The following MOCS2 variants were observed in gnomAD, a reference collection of about 807,000 sequenced individuals.
The protein encoded by MOCS2 is molybdenum cofactor synthesis 2.
Under a neutral mutation model 21.9 loss-of-function variants are expected in MOCS2, and 13 were observed. That is an observed-to-expected ratio of 0.59 (90% CI 0.39 to 0.94). MOCS2 has a LOEUF of 0.94. MOCS2 is among the 40% of genes least tolerant of loss of function. The pLI is 0.00. For synonymous variants in MOCS2, 92 were observed against 80.8 expected (o/e 1.14, Z -0.74); for missense variants, 227 against 218.3 (o/e 1.04, Z -0.25).
At chr5:53,107,495 G>T (rs1579936638) in intron 2 of MOCS2, 1 of 420,820 alleles carries the variant, frequency 2.4e-6, no homozygotes, top group East Asian at 4.9e-5. Flanking sequence ...AAACCCACCA[G>T]ACTGGAGGCA....
rs1469456736 is a variant in MOCS2, at chr5:53,106,975, A to G, written c.98+102T>C. 20 of 1,325,060 alleles carry G rather than the reference A, an allele frequency of 1.5e-5. No homozygotes were observed. In the Admixed American group the frequency reaches 3.6e-4, roughly 24 times the overall value. The allele number at this position is 1,325,060 out of a possible 1,614,324, so 82.1% of individuals were successfully genotyped here. On this transcript the variant is annotated intron_variant, in intron 3 of 6. Transcript: ENST00000396954. ...CTGCATCAATAAAGATTTGGTACAG[A>G]CAGACTTACAAAGAATATACATTAA...
Position 53,098,634 on chromosome 5 carries a change from T to G in MOCS2, c.535A>C (p.Asn179His), listed in dbSNP as rs767404420. 6.2e-7 allele frequency: 1 copy of G among 1,613,908 alleles called. No individual in the cohort carries two copies. ...IYEESSTWKGNKECFWASNS is the reference protein window; with the variant it reads ...IYEESSTWKGHKECFWASNS Reference sequence around the variant, plus strand: ...TTGGATGCCCAAAAGCACTCTTTGTTTCCTTTCCAAGTTGATGACTCTTCG... The same window carrying G: ...TTGGATGCCCAAAAGCACTCTTTGTGTCCTTTCCAAGTTGATGACTCTTCG... Residue 179 changes from asparagine (N) to histidine (H), a missense_variant, in exon 7 of 7, where the codon AAC becomes CAC. Asn to His is a moderately conservative substitution (Grantham distance 68, BLOSUM62 1). Transcript: ENST00000396954.
chr5:53,100,606 G>A, intron 5 of MOCS2, 72 bp from the exon 6 acceptor site: 1 of 1,530,854 alleles, frequency 6.5e-7, no homozygotes, highest in Non-Finnish European at 8.9e-7. Context: ...CTGCTAGACA[G>A]ATGAAAAAAA....
At chr5:53,101,960 AAGTCTACCC>A in intron 4 of MOCS2, 128 bp downstream of exon 4, 1 of 848,198 alleles carries the variant, frequency 1.2e-6, no homozygotes, top group Non-Finnish European at 1.9e-6. Context: ...AACTAAAAAA[AAGTCTACCC>A]ACCATCATCG....
intron 2 of MOCS2, chr5:53,107,454 T>TG: frequency 2.0e-6 from 1 of 503,452 alleles, no homozygotes; most frequent in Non-Finnish European, 3.5e-6. Flanking sequence ...TTGTATGCCT[T>TG]GGGGAATTAA....
intron 3 of MOCS2, among the ~76,000 whole-genome samples, chr5:53,105,603 A>C (rs1450079252): frequency 6.6e-6 from 1 of 152,212 alleles, no homozygotes; most frequent in East Asian, 1.9e-4. Flanking sequence ...TAAATGTAAA[A>C]CCAAAAACTA....
Position 53,098,446 on chromosome 5 carries a change from C to A in MOCS2, c.*156G>T, listed in dbSNP as rs543248703. The A allele has an allele frequency of 5.9e-6, 4 of 682,538 alleles. No individual in the cohort carries two copies. The highest frequency in any genetic ancestry group is 1.1e-5 in the Non-Finnish European group (4 of 375,896). 42.3% of individuals were successfully genotyped at this position (682,538 alleles called of 1,614,324 possible). On this transcript the variant is annotated 3_prime_UTR_variant, in exon 7 of 7. Transcript: ENST00000396954. ...TTTAAATAACCCTTCATCCTACATA[C>A]CCATTTATCTTGCTTCCTTTTTCTC...
chr5:53,108,399 A>G (rs1389398984), intron 2 of MOCS2, 123 bp downstream of exon 2: 16 of 956,072 alleles, frequency 1.7e-5, no homozygotes, highest in Non-Finnish European at 2.2e-5. Context: ...CAAAAAAAAT[A>G]CAACTAACGA....
chr5:53,101,543 T>C, intron 4 of MOCS2, 34 bp from the exon 5 acceptor site: 1 of 1,484,812 alleles, frequency 6.7e-7, no homozygotes, highest in Non-Finnish European at 9.3e-7. Context: ...AAGAAAACAA[T>C]TAAAATAAGG....
rs1561171918 is a variant in MOCS2 at position 53,098,325 on chromosome 5, A to G, written c.*277T>C. On this transcript the variant is annotated 3_prime_UTR_variant, in exon 7 of 7. Transcript: ENST00000396954. ...AATGTGTGTTGAGTTACAATTAGAA[A>G]TTAGTCATGGAAGGACATGTCTACC... 3 of 453,730 alleles carry G rather than the reference A, an allele frequency of 6.6e-6. No homozygotes were observed. In the East Asian group the frequency reaches 1.2e-4, roughly 18 times the overall value. The allele number at this position is 453,730 out of a possible 1,614,324, so 28.1% of individuals were successfully genotyped here.
At chr5:53,103,300 A>G (rs1447918539) in intron 3 of MOCS2, among the ~76,000 whole-genome samples, 1 of 152,192 alleles carries the variant, frequency 6.6e-6, no homozygotes, top group Non-Finnish European at 1.5e-5. Flanking sequence ...ACTGCTATTC[A>G]TATCTCCCAT....
intron 6 of MOCS2, among the ~76,000 whole-genome samples, chr5:53,098,911 A>T (rs951993347): frequency 6.6e-6 from 1 of 152,144 alleles, no homozygotes; most frequent in African/African-American, 2.4e-5. Flanking sequence ...ATGCTTTTCC[A>T]AAGGCAGATA....
At chr5:53,106,932 G>C in intron 3 of MOCS2, 145 bp downstream of exon 3, 13 of 799,666 alleles carry the variant, frequency 1.6e-5, no homozygotes, top group Non-Finnish European at 2.2e-5. Context: ...TAAATCTGTT[G>C]GCACCAATGA....
rs2112074751 is a variant in MOCS2 at position 53,095,915 on chromosome 5, A to C, written c.*2687T>G. On this transcript the variant is annotated 3_prime_UTR_variant, in exon 7 of 7. Coordinates refer to ENST00000396954, the MANE Select transcript of MOCS2 (RefSeq NM_004531.5). ...TTCCTGATCCTATCATAATCTTTTA[A>C]TATTTTTAAGGTGTCAATTAAAGAT... 3 of 152,300 alleles carry C rather than the reference A, an allele frequency of 2.0e-5. No homozygotes were observed. The South Asian group carries it at 6.2e-4, about 32-fold the overall frequency. The allele number at this position is 152,300 out of a possible 1,614,324, so 9.4% of individuals were successfully genotyped here.
rs1413462870 is a variant in MOCS2, at chr5:53,096,150, C to T, written c.*2452G>A. 6.6e-6 allele frequency: 1 copy of T among 152,044 alleles called. No individual in the cohort carries two copies. Among genetic ancestry groups the T allele is most frequent in the African/African-American group, 2.4e-5 (1 of 41,364 alleles). 9.4% of individuals were successfully genotyped at this position (152,044 alleles called of 1,614,324 possible). On this transcript the variant is annotated 3_prime_UTR_variant, in exon 7 of 7. Coordinates refer to ENST00000396954, the MANE Select transcript of MOCS2 (RefSeq NM_004531.5). ...TGCTGGATGATCCACCGAACTACAT[C>T]ACACAAATCATTCTTGAGAGATCTT...
rs1740914596 is a variant in MOCS2 at position 53,101,656 on chromosome 5, A to G, written c.227-147T>C. 7.4e-5 allele frequency: 50 copies of G among 679,534 alleles called. 2 individuals carry two copies. The South Asian group carries it at 9.8e-4, about 13-fold the overall frequency. The allele number at this position is 679,534 out of a possible 1,614,324, so 42.1% of individuals were successfully genotyped here. On this transcript the variant is annotated intron_variant, in intron 4 of 6. Coordinates refer to ENST00000396954, the MANE Select transcript of MOCS2 (RefSeq NM_004531.5). ...TACCAATTCTTCTAAAACTACTTTGAAATCTTCTAAAAACAAAATTTGATT... is the reference window on the plus strand; with the variant it reads ...TACCAATTCTTCTAAAACTACTTTGGAATCTTCTAAAAACAAAATTTGATT...
chr5:53,105,470 G>A (rs958576166), intron 3 of MOCS2, among the ~76,000 whole-genome samples: 3 of 152,118 alleles, frequency 2.0e-5, no homozygotes, highest in Admixed American at 1.3e-4. Flanking sequence ...AACAAGCAAT[G>A]GGGAAAGGAT....
chr5:53,098,531 A>G lies in MOCS2; in HGVS notation c.*71T>C, dbSNP rs1740815258. 1 of 1,406,964 alleles carries G rather than the reference A, an allele frequency of 7.1e-7. No individual in the cohort carries two copies. The highest frequency in any genetic ancestry group is 2.3e-5 in the East Asian group (1 of 43,728). 87.2% of individuals were successfully genotyped at this position (1,406,964 alleles called of 1,614,324 possible). On this transcript the variant is annotated 3_prime_UTR_variant, in exon 7 of 7. Transcript: ENST00000396954. ...AGTAAACTATCCTGATGTGGAGAGAAAAAAATCAAAATGTGATCAATAATA... is the reference window on the plus strand; with the variant it reads ...AGTAAACTATCCTGATGTGGAGAGAGAAAAATCAAAATGTGATCAATAATA...
intron 6 of MOCS2, 85 bp from the exon 7 acceptor site, chr5:53,098,752 G>T: frequency 1.0e-6 from 1 of 965,580 alleles, no homozygotes; most frequent in Non-Finnish European, 1.7e-6. Flanking sequence ...TCAGACAAAT[G>T]AATATCACAT....
Sources: allele counts gnomAD v4.1 joint callset (sites outside exome capture counted in the v4.1 genomes callset), GRCh38; gene constraint gnomAD v4.1.1; transcripts MANE v1.5; gene names NCBI Gene and HGNC (gene_info 2026-07-23, HGNC 2026-07-21).